ATOH8: variants seen among roughly 807,000 people sequenced by gnomAD.
The protein encoded by ATOH8 is transcription factor ATOH8.
Under a neutral mutation model 21.2 loss-of-function variants are expected in ATOH8, and 9 were observed. The observed-to-expected ratio is 0.42, with a 90% CI of 0.26 to 0.74. The LOEUF is 0.74. ATOH8 is among the 30% of genes least tolerant of loss of function. ATOH8 has a pLI of 0.24. For synonymous variants in ATOH8, 253 were observed against 224.0 expected (o/e 1.13, Z -1.16); for missense variants, 524 against 470.9 (o/e 1.11, Z -1.04).
chr2:85,786,833 C>T, intron 2 of ATOH8, 52 bp from the exon 3 acceptor site: 1 of 1,613,314 alleles, frequency 6.2e-7, no homozygotes, highest in South Asian at 1.1e-5. Context: ...TGTCCAGAAA[C>T]AGGAACCAGG....
chr2:85,774,764 G>T (rs1680279362), intron 2 of ATOH8: 3 of 985,420 alleles, frequency 3.0e-6, no homozygotes, highest in African/African-American at 3.5e-5. Context: ...GCCCTGGCCG[G>T]TCACTCCCTA....
intron 2 of ATOH8, among the ~76,000 whole-genome samples, chr2:85,768,741 C>T (rs1680094882): frequency 6.6e-6 from 1 of 152,230 alleles, no homozygotes; most frequent in Non-Finnish European, 1.5e-5. Context: ...CAGGTGCATC[C>T]TTCCGCCCAT....
At chr2:85,780,846 C>T (rs982087750) in intron 2 of ATOH8, 35 of 981,762 alleles carry the variant, frequency 3.6e-5, no homozygotes, top group South Asian at 3.3e-4. Flanking sequence ...GCCATGTTCC[C>T]GCCCCCCGCA....
At chr2:85,767,578 T>TCCCCCCCC (rs1553393146) in intron 2 of ATOH8, among the ~76,000 whole-genome samples, 2 of 90,098 alleles carry the variant, frequency 2.2e-5, no homozygotes, top group East Asian at 3.7e-4. Context: ...TCCCCTCCCC[T>TCCCCCCCC]CTCCTTCCCT....
intron 2 of ATOH8, among the ~76,000 whole-genome samples, chr2:85,781,842 C>A (rs1034900802): frequency 2.6e-5 from 4 of 151,800 alleles, no homozygotes; most frequent in Admixed American, 2.6e-4. Flanking sequence ...TGCACCACTG[C>A]ATTTCAACCT....
Position 85,781,403 on chromosome 2 carries a change from C to T in ATOH8, c.961-5482C>T, listed in dbSNP as rs545661580. Reference sequence around the variant, plus strand: ...CCAACATGGTGAAACCCCGTCTCTACTAAAAATACAAAAATTAACCGGGTG... The same window carrying T: ...CCAACATGGTGAAACCCCGTCTCTATTAAAAATACAAAAATTAACCGGGTG... On this transcript the variant is annotated intron_variant, in intron 2 of 2. Coordinates refer to ENST00000306279, the MANE Select transcript of ATOH8 (RefSeq NM_032827.7). Among the ~76,000 whole-genome samples the T allele has an allele frequency of 7.9e-5, 12 of 151,632 alleles. No individual in the cohort carries two copies. The South Asian group carries it at 2.5e-3, about 32-fold the overall frequency.
At chr2:85,775,237 T>C (rs141216638) in intron 2 of ATOH8, 12,630 of 985,342 alleles carry the variant, frequency 0.013, 94 homozygotes, top group Non-Finnish European at 0.014. Flanking sequence ...TCTCTTTGTG[T>C]CCTGTCTTCT....
intron 1 of ATOH8, among the ~76,000 whole-genome samples, chr2:85,763,469 A>G (rs75525774): frequency 0.012 from 1,778 of 152,282 alleles, 67 homozygotes; most frequent in East Asian, 0.092. Flanking sequence ...CCAGCTGAGC[A>G]CTGACACTTT....
chr2:85,763,935 C>A lies in ATOH8; in HGVS notation c.769-56C>A, dbSNP rs557463262. ...TACCATAGACAGGCCGTCTCCCATG[C>A]CTGCCAGGCTGGGCACTGCGCCCCT... On this transcript the variant is annotated intron_variant, in intron 1 of 2. Transcript: ENST00000306279. 2,155 of 1,555,580 alleles carry A rather than the reference C, an allele frequency of 1.4e-3. 5 individuals are homozygous for A. The highest frequency in any genetic ancestry group is 4.5e-3 in the Middle Eastern group (27 of 5,954).
chr2:85,777,831 C>A (rs1573535426), intron 2 of ATOH8, among the ~76,000 whole-genome samples: 1 of 152,194 alleles, frequency 6.6e-6, no homozygotes, highest in Non-Finnish European at 1.5e-5. Context: ...TAAACATTTG[C>A]TGGATGAATG....
rs1278443443 is a variant in ATOH8 at position 85,789,022 on chromosome 2, G to A, written c.*2132G>A. Among the ~76,000 whole-genome samples the A allele has an allele frequency of 1.3e-5, 2 of 152,156 alleles. No homozygotes were observed. The highest frequency in any genetic ancestry group is 2.4e-5 in the African/African-American group (1 of 41,424). ...TAACAGCACTGCTCTGTTGTCCCTCGGAGCCTCTGAGTAACCCTGATGGCA... is the reference window on the plus strand; with the variant it reads ...TAACAGCACTGCTCTGTTGTCCCTCAGAGCCTCTGAGTAACCCTGATGGCA... On this transcript the variant is annotated 3_prime_UTR_variant, in exon 3 of 3. Coordinates refer to ENST00000306279, the MANE Select transcript of ATOH8 (RefSeq NM_032827.7).
intron 2 of ATOH8, among the ~76,000 whole-genome samples, chr2:85,780,122 C>G (rs1444283894): frequency 1.3e-5 from 2 of 152,146 alleles, no homozygotes; most frequent in African/African-American, 4.8e-5. Context: ...ACTAGGGAGG[C>G]AGCAAGGACT....
At chr2:85,782,270 A>C (rs1221224759) in intron 2 of ATOH8, among the ~76,000 whole-genome samples, 1 of 152,258 alleles carries the variant, frequency 6.6e-6, no homozygotes, top group African/African-American at 2.4e-5. Flanking sequence ...AATTGCTTAA[A>C]TACAAAAAAT....
Position 85,790,306 on chromosome 2 carries a change from G to A in ATOH8, c.*3416G>A, listed in dbSNP as rs764147625. On this transcript the variant is annotated 3_prime_UTR_variant, in exon 3 of 3. Coordinates refer to ENST00000306279, the MANE Select transcript of ATOH8 (RefSeq NM_032827.7). ...GGTATGTCTGCATGAAGCCCCACGT[G>A]TGCACACCCATCTTCATGTGTGTGT... Among the ~76,000 whole-genome samples, 75 of 152,148 alleles carry A rather than the reference G, an allele frequency of 4.9e-4. 1 individual carries two copies. The highest frequency in any genetic ancestry group is 1.9e-4 in the Non-Finnish European group (13 of 68,024).
At position 85,789,033 on chromosome 2, in the gene ATOH8, GTAACCCTGA is replaced by G. The variant is rs1680698407; in HGVS notation, c.*2145_*2153del. 6.6e-6 allele frequency among the ~76,000 whole-genome samples: 1 copy of G among 152,182 alleles called. No homozygotes were observed. Among genetic ancestry groups the G allele is most frequent in the Non-Finnish European group, 1.5e-5 (1 of 68,038 alleles). On this transcript the variant is annotated 3_prime_UTR_variant, in exon 3 of 3. Transcript: ENST00000306279. ...CTCTGTTGTCCCTCGGAGCCTCTGA[GTAACCCTGA>G]TGGCACTTCCTAAGGCAGCAGGACA... is the stretch of plus-strand genomic sequence containing the variant.
intron 1 of ATOH8, among the ~76,000 whole-genome samples, chr2:85,762,670 A>G (rs1307630621): frequency 2.0e-5 from 3 of 152,170 alleles, no homozygotes; most frequent in Non-Finnish European, 4.4e-5. Flanking sequence ...AGTGAGATCA[A>G]AGTGGGCGAT....
At chr2:85,786,758 T>C (rs1680631360) in intron 2 of ATOH8, 127 bp from the exon 3 acceptor site, 3 of 1,256,352 alleles carry the variant, frequency 2.4e-6, no homozygotes, top group Middle Eastern at 5.3e-4. Context: ...GCTCTTCCAC[T>C]TATCGAACCC....
At chr2:85,767,297 T>C (rs931350915) in intron 2 of ATOH8, among the ~76,000 whole-genome samples, 1 of 152,046 alleles carries the variant, frequency 6.6e-6, no homozygotes, top group Non-Finnish European at 1.5e-5. Flanking sequence ...ACCAGTAGAT[T>C]GCACGTGGTT....
rs539115771 is a variant in ATOH8, at chr2:85,791,304, C to T, written c.*4414C>T. On this transcript the variant is annotated 3_prime_UTR_variant, in exon 3 of 3. Transcript: ENST00000306279. ...TGGATCTAATTCAACCCCTGATCCT[C>T]GAAACGGCTTTCTTGCAAAGTGTAT... Among the ~76,000 whole-genome samples the T allele has an allele frequency of 1.5e-4, 23 of 152,202 alleles. No individual in the cohort carries two copies. Among genetic ancestry groups the T allele is most frequent in the Non-Finnish European group, 2.9e-4 (20 of 68,032 alleles).
Sources: gnomAD v4.1 joint callset for allele counts (sites outside exome capture counted in the v4.1 genomes callset) on GRCh38, gnomAD v4.1.1 for gene constraint, MANE v1.5 for transcripts, NCBI Gene and HGNC (gene_info 2026-07-23, HGNC 2026-07-21) for gene names.